Variants in PDE1A observed in about 807,000 individuals in gnomAD.
PDE1A encodes the protein dual specificity calcium/calmodulin-dependent 3',5'-cyclic nucleotide phosphodiesterase 1A.
A neutral mutation model predicts 61.7 loss-of-function variants in PDE1A; 35 were observed. The ratio of observed to expected loss-of-function variants is 0.57; its 90% CI spans 0.43 to 0.75. PDE1A has a LOEUF of 0.75. Among genes scored for constraint, PDE1A ranks in the 30% least tolerant of loss-of-function variants. The probability of loss-of-function intolerance (pLI) is 0.00; values close to 1 mark genes in which losing one functional copy is unlikely to be tolerated. For synonymous variants in PDE1A, 232 were observed against 213.2 expected, an observed-to-expected ratio of 1.09 and a Z score of -0.77; for missense variants, 597 against 630.6, an observed-to-expected ratio of 0.95 and a Z score of 0.57.
intron 2 of PDE1A, among the ~76,000 whole-genome samples, chr2:182,463,083 A>G (rs1302665808): frequency 1.3e-5 from 2 of 151,924 alleles, no homozygotes; most frequent in Non-Finnish European, 1.5e-5. Context: ...TCTACTAAAA[A>G]TACAATAATT....
intron 12 of PDE1A, 129 bp downstream of exon 12, chr2:182,186,339 C>T: frequency 1.8e-6 from 2 of 1,098,598 alleles, no homozygotes; most frequent in Non-Finnish European, 2.7e-6. Flanking sequence ...TATAAAGCCA[C>T]TAGGTGGCAA....
At chr2:182,673,875 C>A in the PDE1A span, among the ~76,000 whole-genome samples, 1 of 151,238 alleles carries the variant, frequency 6.6e-6, no homozygotes, top group East Asian at 1.9e-4. Flanking sequence ...GGCTGATCAC[C>A]CTAAAAAGTG....
At chr2:182,653,982 G>T in the PDE1A span, among the ~76,000 whole-genome samples, 1 of 152,130 alleles carries the variant, frequency 6.6e-6, no homozygotes, top group Non-Finnish European at 1.5e-5. Flanking sequence ...GTGGACAAAT[G>T]AAATGATCTG....
intron 1 of PDE1A, among the ~76,000 whole-genome samples, chr2:182,383,023 C>T (rs1179293529): frequency 6.6e-6 from 1 of 151,926 alleles, no homozygotes; most frequent in Non-Finnish European, 1.5e-5. Context: ...ACGTTAAAAC[C>T]CCAATTAAAT....
At chr2:182,679,583 C>G in the PDE1A span, among the ~76,000 whole-genome samples, 2 of 151,920 alleles carry the variant, frequency 1.3e-5, no homozygotes, top group South Asian at 4.2e-4. Flanking sequence ...ACAATTATTA[C>G]GTGTCAATTA....
the PDE1A span, among the ~76,000 whole-genome samples, chr2:182,612,460 T>C: frequency 2.6e-5 from 4 of 152,240 alleles, no homozygotes; most frequent in African/African-American, 7.2e-5. Flanking sequence ...AGAAATTTAT[T>C]TGGGTTTGAG....
At chr2:182,246,052 C>T (rs572932944) in intron 2 of PDE1A, among the ~76,000 whole-genome samples, 137 of 152,324 alleles carry the variant, frequency 9.0e-4, no homozygotes, top group African/African-American at 3.2e-3. Flanking sequence ...CCCTCTACAG[C>T]CAGAATGCCT....
At chr2:182,262,150 CTT>C (rs1356688804) in intron 2 of PDE1A, among the ~76,000 whole-genome samples, 4 of 150,812 alleles carry the variant, frequency 2.7e-5, no homozygotes, top group African/African-American at 4.9e-5. Context: ...TTCTCTTTTC[CTT>C]TCTTTCTTTC....
the PDE1A span, among the ~76,000 whole-genome samples, chr2:182,555,910 T>G: frequency 8.0e-6 from 1 of 124,720 alleles, no homozygotes; most frequent in African/African-American, 3.2e-5. Context: ...GAGGTTGCAG[T>G]AAGCCGAGAT....
At position 182,256,906 on chromosome 2, in the gene PDE1A, T is replaced by C. The variant is rs193206807; in HGVS notation, c.167+7395A>G. Among the ~76,000 whole-genome samples, 30 of 152,320 alleles carry C rather than the reference T, an allele frequency of 2.0e-4. 1 individual carries two copies. In the East Asian group the frequency reaches 5.2e-3, roughly 26 times the overall value. On this transcript the variant is annotated intron_variant, in intron 2 of 13. Coordinates refer to ENST00000351439, the Ensembl canonical transcript of PDE1A. ...ACTCGAGCAAATTCTGGAAAAATAG[T>C]CTATACTAATTTCTTCACGAAGCCA... is the stretch of plus-strand genomic sequence containing the variant.
chr2:182,426,141 G>C (rs1234469274), intron 1 of PDE1A, among the ~76,000 whole-genome samples: 1 of 152,120 alleles, frequency 6.6e-6, no homozygotes, highest in Non-Finnish European at 1.5e-5. Context: ...CTCTAGTAAA[G>C]TAGCTATCAA....
chr2:182,592,553 T>C, the PDE1A span, among the ~76,000 whole-genome samples: 1 of 151,984 alleles, frequency 6.6e-6, no homozygotes, highest in Non-Finnish European at 1.5e-5. Flanking sequence ...TTGAACTGAG[T>C]AAAAGTATGA....
the PDE1A span, among the ~76,000 whole-genome samples, chr2:182,689,082 G>T: frequency 6.6e-6 from 1 of 152,162 alleles, no homozygotes; most frequent in Admixed American, 6.5e-5. Context: ...AATAATGGGA[G>T]ACTTTAACAC....
At chr2:182,146,065 T>C (rs980439447), downstream of PDE1A, among the ~76,000 whole-genome samples, 1 of 152,224 alleles carries the variant, frequency 6.6e-6, no homozygotes, top group African/African-American at 2.4e-5. Context: ...CTTCTTCTTA[T>C]TTTTAGTAGA....
At chr2:182,637,021 G>A in the PDE1A span, among the ~76,000 whole-genome samples, 2,167 of 152,160 alleles carry the variant, frequency 0.014, 30 homozygotes, top group Middle Eastern at 0.027. Context: ...CTCTAACTCC[G>A]CCTGAAAAAA....
At chr2:182,553,908 C>T in the PDE1A span, among the ~76,000 whole-genome samples, 1 of 152,106 alleles carries the variant, frequency 6.6e-6, no homozygotes, top group African/African-American at 2.4e-5. Flanking sequence ...GGGTGCATGC[C>T]GAAAAGTATC....
At chr2:182,562,421 G>C in the PDE1A span, among the ~76,000 whole-genome samples, 1 of 149,856 alleles carries the variant, frequency 6.7e-6, no homozygotes, top group African/African-American at 2.4e-5. Flanking sequence ...GATCATGGTG[G>C]ATAAGCTTTT....
chr2:182,627,435 T>TCTAC, the PDE1A span, among the ~76,000 whole-genome samples: 1 of 133,338 alleles, frequency 7.5e-6, no homozygotes, highest in Non-Finnish European at 1.5e-5. Flanking sequence ...TTTAAATATA[T>TCTAC]ATATATAAAA....
chr2:182,416,687 A>G (rs1005184959), intron 1 of PDE1A, among the ~76,000 whole-genome samples: 1 of 152,246 alleles, frequency 6.6e-6, no homozygotes, highest in African/African-American at 2.4e-5. Context: ...AGTGAATTTC[A>G]GAAAAATAAA....
Sources: allele counts gnomAD v4.1 joint callset (sites outside exome capture counted in the v4.1 genomes callset), GRCh38; gene constraint gnomAD v4.1.1; transcripts MANE v1.5; gene names NCBI Gene and HGNC (gene_info 2026-07-23, HGNC 2026-07-21).